DIS3L2: variants seen among roughly 807,000 people sequenced by gnomAD.
DIS3L2 encodes DIS3 like 3'-5' exoribonuclease 2, also known as DIS3-like exonuclease 2.
In DIS3L2, 34 loss-of-function variants were observed where a neutral mutation model predicts 97.5. The ratio of observed to expected loss-of-function variants is 0.35; its 90% CI spans 0.27 to 0.46. The LOEUF is 0.46. Among genes scored for constraint, DIS3L2 ranks in the 20% least tolerant of loss-of-function variants. The pLI is 1.00. For synonymous variants in DIS3L2, 435 were observed against 445.2 expected (o/e 0.98, Z 0.29); for missense variants, 1,038 against 1,146.0 (o/e 0.91, Z 1.36).
intron 6 of DIS3L2, among the ~76,000 whole-genome samples, chr2:232,112,259 A>G (rs1697559263): frequency 6.6e-6 from 1 of 152,166 alleles, no homozygotes; most frequent in South Asian, 2.1e-4. Flanking sequence ...TTAGATCCCA[A>G]GGTTTTCATG....
intron 14 of DIS3L2, among the ~76,000 whole-genome samples, chr2:232,304,823 G>T (rs1694946397): frequency 6.6e-6 from 1 of 151,958 alleles, no homozygotes; most frequent in Non-Finnish European, 1.5e-5. Context: ...ATATTGTTTA[G>T]GACTCAATAT....
At chr2:232,068,874 A>C (rs1191386781) in intron 5 of DIS3L2, among the ~76,000 whole-genome samples, 1 of 152,082 alleles carries the variant, frequency 6.6e-6, no homozygotes, top group Non-Finnish European at 1.5e-5. Context: ...GCTGGAGTGC[A>C]GTGGCGATCT....
chr2:232,099,150 C>A (rs1455361552), intron 6 of DIS3L2, among the ~76,000 whole-genome samples: 1 of 151,888 alleles, frequency 6.6e-6, no homozygotes, highest in Non-Finnish European at 1.5e-5. Context: ...TCTACTTAAT[C>A]CTGATATGTC....
chr2:232,082,161 C>T (rs1696423156), intron 5 of DIS3L2, among the ~76,000 whole-genome samples: 1 of 152,196 alleles, frequency 6.6e-6, no homozygotes, highest in East Asian at 1.9e-4. Context: ...GTCCTGTGAT[C>T]TCATAATGAT....
At chr2:232,145,720 G>T (rs560709269) in intron 8 of DIS3L2, among the ~76,000 whole-genome samples, 75 of 152,088 alleles carry the variant, frequency 4.9e-4, no homozygotes, top group African/African-American at 1.5e-3. Context: ...ATTTGTTTTT[G>T]CCATCCTCTG....
At position 232,330,095 on chromosome 2, in the gene DIS3L2, G is replaced by A. The variant is rs115540595; in HGVS notation, c.1923+99G>A. 2.4e-3 allele frequency: 3,326 copies of A among 1,406,694 alleles called. 64 individuals carry two copies. In the African/African-American group the frequency reaches 0.04, roughly 17 times the overall value. 87.1% of individuals were successfully genotyped at this position (1,406,694 alleles called of 1,614,324 possible). On this transcript the variant is annotated intron_variant, in intron 15 of 20. Coordinates refer to ENST00000325385, the MANE Select transcript of DIS3L2 (RefSeq NM_152383.5). ...CCAGCGGCCTCTGCTTCCCCCCAGA[G>A]TCCCTCCCCTTCAGCCAGGTCTCTC...
intron 5 of DIS3L2, among the ~76,000 whole-genome samples, chr2:232,049,718 G>A (rs1369254458): frequency 6.6e-6 from 1 of 152,022 alleles, no homozygotes; most frequent in African/African-American, 2.4e-5. Flanking sequence ...TTTACTTTTT[G>A]GTTTTCCATT....
intron 13 of DIS3L2, among the ~76,000 whole-genome samples, chr2:232,274,616 G>A (rs1479390976): frequency 3.3e-5 from 5 of 152,170 alleles, no homozygotes; most frequent in African/African-American, 4.8e-5. Context: ...GCCAGACTGA[G>A]TTTCCCCAAA....
At chr2:232,057,482 C>T (rs1695577090) in intron 5 of DIS3L2, among the ~76,000 whole-genome samples, 1 of 152,024 alleles carries the variant, frequency 6.6e-6, no homozygotes, top group South Asian at 2.1e-4. Context: ...CTTTGTGGAC[C>T]TGACCTCATC....
chr2:232,329,785 T>TCCCGGGCCCCC, intron 14 of DIS3L2, 28 bp from the exon 15 acceptor site: 2 of 967,140 alleles, frequency 2.1e-6, no homozygotes, highest in Non-Finnish European at 1.5e-6. Flanking sequence ...ACCCCAGCGG[T>TCCCGGGCCCCC]CCCTCCCATC....
chr2:232,295,090 A>T (rs571975626), intron 13 of DIS3L2, among the ~76,000 whole-genome samples: 1 of 151,976 alleles, frequency 6.6e-6, no homozygotes, highest in African/African-American at 2.4e-5. Context: ...CTTTCTTCAC[A>T]CTAATGTCTA....
rs1308028353 is a variant in DIS3L2, at chr2:232,086,645, GTA to G, written c.367-828_367-827del. Among the ~76,000 whole-genome samples the G allele has an allele frequency of 1.3e-3, 67 of 51,206 alleles. 1 individual carries two copies. Among genetic ancestry groups the G allele is most frequent in the African/African-American group, 5.9e-3 (56 of 9,494 alleles). The allele number at this position is 51,206 out of a possible 152,430, so 33.6% of individuals were successfully genotyped here. A position where few individuals can be genotyped will look rare whatever the true frequency, so the allele number is the denominator to read the frequency against. On this transcript the variant is annotated intron_variant, in intron 5 of 20. Transcript: ENST00000325385. ...TATATATATACACATATATATATAT[GTA>G]TATATATATATATGTGTGTGTGTGT...
intron 10 of DIS3L2, among the ~76,000 whole-genome samples, chr2:232,215,647 A>G (rs1039875193): frequency 6.6e-6 from 1 of 152,154 alleles, no homozygotes; most frequent in African/African-American, 2.4e-5. Context: ...TGGCTCCCCA[A>G]ATGGCTGTGT....
intron 8 of DIS3L2, among the ~76,000 whole-genome samples, chr2:232,158,055 A>G (rs904272445): frequency 2.6e-5 from 4 of 152,120 alleles, no homozygotes; most frequent in Non-Finnish European, 5.9e-5. Context: ...TCAGGTCCCT[A>G]TCCATCTGGT....
intron 10 of DIS3L2, among the ~76,000 whole-genome samples, chr2:232,221,616 C>A (rs1233909081): frequency 6.6e-6 from 1 of 152,066 alleles, no homozygotes; most frequent in African/African-American, 2.4e-5. Context: ...CCAGCCTGGC[C>A]AACATAGTGA....
At chr2:232,329,785 T>TGCCCGGGGGGCCC in intron 14 of DIS3L2, 28 bp from the exon 15 acceptor site, 73 of 967,094 alleles carry the variant, frequency 7.5e-5, no homozygotes, top group Middle Eastern at 3.5e-4. Context: ...ACCCCAGCGG[T>TGCCCGGGGGGCCC]CCCTCCCATC....
At chr2:232,320,634 T>G (rs537551743) in intron 14 of DIS3L2, among the ~76,000 whole-genome samples, 3 of 152,218 alleles carry the variant, frequency 2.0e-5, no homozygotes, top group Non-Finnish European at 4.4e-5. Flanking sequence ...GCAGGAGCCA[T>G]AACTGCCACT....
At chr2:232,097,507 A>AT (rs1376517615) in intron 6 of DIS3L2, among the ~76,000 whole-genome samples, 1 of 151,508 alleles carries the variant, frequency 6.6e-6, no homozygotes. Flanking sequence ...GAGGAGCCTC[A>AT]CCCTGTGGCT....
chr2:232,343,659 C>G, exon 14 of DIS3L2: 1 of 1,410,718 alleles, frequency 7.1e-7, no homozygotes, highest in Non-Finnish European at 9.7e-7. Flanking sequence ...GGCCAGACTT[C>G]TAAAAGGTCC....
Sources: gnomAD v4.1 joint callset for allele counts (sites outside exome capture counted in the v4.1 genomes callset) on GRCh38, gnomAD v4.1.1 for gene constraint, MANE v1.5 for transcripts, NCBI Gene and HGNC (gene_info 2026-07-23, HGNC 2026-07-21) for gene names.